Variants in ABCC1 observed in about 807,000 individuals in gnomAD.
The protein encoded by ABCC1 is multidrug resistance-associated protein 1.
A neutral mutation model predicts 172.9 loss-of-function variants in ABCC1; 83 were observed. The observed-to-expected ratio is 0.48, with a 90% CI of 0.40 to 0.58. ABCC1 has a LOEUF of 0.58. Ranked by LOEUF, ABCC1 falls within the 20% of genes least tolerant of loss-of-function variation. The probability of loss-of-function intolerance (pLI) is 0.00; values close to 1 mark genes in which losing one functional copy is unlikely to be tolerated. For missense variants in ABCC1, 1,817 were observed against 2,002.7 expected (o/e 0.91, Z 1.77); for synonymous variants, 937 against 825.2 (o/e 1.14, Z -2.32).
chr16:16,020,158 G>A (rs551986079), intron 5 of ABCC1, among the ~76,000 whole-genome samples: 1 of 152,310 alleles, frequency 6.6e-6, no homozygotes, highest in African/African-American at 2.4e-5. Flanking sequence ...CTGACTTCAA[G>A]TGATCCGCCC....
chr16:16,090,504 G>C lies in ABCC1; in HGVS notation c.2560G>C (p.Glu854Gln), dbSNP rs372819404. 1.2e-5 allele frequency: 20 copies of C among 1,613,836 alleles called. No homozygotes were observed. The highest frequency in any genetic ancestry group is 1.7e-5 in the Non-Finnish European group (20 of 1,179,996). ...GKISEMGSYQ[E>Q]LLARDGAFAE... ...GATCTCTGAGATGGGCTCCTACCAG[G>C]AGCTGCTGGCTCGAGACGGCGCCTT... The change falls in exon 19 of 31, where the codon GAG becomes CAG. Residue 854 changes from glutamate (E) to glutamine (Q), a missense_variant. Physicochemically the swap from Glu to Gln is conservative, Grantham distance 29. This residue lies in a region of ABCC1 where 1,412 missense variants were observed against 1,600.3 expected (regional missense o/e 0.88). Transcript: ENST00000399410.
At chr16:15,989,472 A>G (rs2046811917) in intron 1 of ABCC1, among the ~76,000 whole-genome samples, 1 of 152,192 alleles carries the variant, frequency 6.6e-6, no homozygotes, top group African/African-American at 2.4e-5. Context: ...CTCTCTAAAC[A>G]GGATTAATGT....
rs138414775 is a variant in ABCC1, at chr16:16,119,117, G to A, written c.3391-2858G>A. ...TTATAGTGATCAAAAGAAGCCAGAC[G>A]AAAAAGAGTAGGTACTGTGAGATTT... is the stretch of plus-strand genomic sequence containing the variant. On this transcript the variant is annotated intron_variant, in intron 23 of 30. Transcript: ENST00000399410. 2.0e-4 allele frequency among the ~76,000 whole-genome samples: 30 copies of A among 152,280 alleles called. No homozygotes were observed. The East Asian group carries it at 5.2e-3, about 26-fold the overall frequency.
chr16:16,050,990 A>G, intron 10 of ABCC1, among the ~76,000 whole-genome samples: 1 of 152,074 alleles, frequency 6.6e-6, no homozygotes, highest in East Asian at 1.9e-4. Context: ...CTATGGGAAA[A>G]ATATTTTTGG....
At chr16:16,016,140 G>A (rs2047984515) in intron 4 of ABCC1, among the ~76,000 whole-genome samples, 1 of 138,964 alleles carries the variant, frequency 7.2e-6, no homozygotes, top group Non-Finnish European at 1.5e-5. Flanking sequence ...CTCTCAGAAT[G>A]TGATCTTGGT....
chr16:16,001,973 C>G (rs1036197487), intron 1 of ABCC1, among the ~76,000 whole-genome samples: 4 of 152,182 alleles, frequency 2.6e-5, no homozygotes, highest in African/African-American at 9.7e-5. Flanking sequence ...CCACCTGGGC[C>G]TCCCAAAATG....
At chr16:15,978,324 C>G (rs1274699988) in intron 1 of ABCC1, among the ~76,000 whole-genome samples, 1 of 152,148 alleles carries the variant, frequency 6.6e-6, no homozygotes. Flanking sequence ...TGTGATTGCA[C>G]ACGACTGCTT....
At chr16:16,100,501 T>G (rs2051684039) in intron 19 of ABCC1, among the ~76,000 whole-genome samples, 1 of 152,212 alleles carries the variant, frequency 6.6e-6, no homozygotes, top group African/African-American at 2.4e-5. Flanking sequence ...GAGGACAGGC[T>G]GCATGGGAAG....
chr16:16,045,792 A>C, intron 8 of ABCC1, 44 bp from the exon 9 acceptor site: 1 of 1,596,182 alleles, frequency 6.3e-7, no homozygotes, highest in South Asian at 1.1e-5. Context: ...CCCTGCCCCC[A>C]CGTGTCACAA....
At chr16:16,091,699 G>T (rs370370219) in intron 19 of ABCC1, among the ~76,000 whole-genome samples, 7 of 152,182 alleles carry the variant, frequency 4.6e-5, no homozygotes, top group Non-Finnish European at 1.0e-4. Flanking sequence ...CAGGACGTGG[G>T]GGGCAGGAGA....
chr16:16,132,520 T>TTG (rs749120319), intron 27 of ABCC1, among the ~76,000 whole-genome samples: 1,462 of 86,666 alleles, frequency 0.017, 53 homozygotes, highest in East Asian at 0.038. Flanking sequence ...GTTTTTTTTT[T>TTG]TTTTTTTTTT....
Position 16,115,032 on chromosome 16 carries a change from G to A in ABCC1, c.3346G>A (p.Ala1116Thr), listed in dbSNP as rs200039403. The A allele has an allele frequency of 1.9e-3, 3,010 of 1,614,164 alleles. 4 individuals are homozygous for A. The highest frequency in any genetic ancestry group is 2.3e-3 in the Non-Finnish European group (2,693 of 1,180,020). ...TATCCTGCTGGCCACGCCCATCGCC[G>A]CCATCATCATCCCGCCCCTTGGCCT... ...IVILLATPIA[A>T]IIIPPLGLIY... The change falls in exon 23 of 31, where the codon GCC becomes ACC. Residue 1116 changes from alanine to threonine, a missense_variant. Coordinates refer to ENST00000399410, the MANE Select transcript of ABCC1 (RefSeq NM_004996.4).
intron 7 of ABCC1, among the ~76,000 whole-genome samples, chr16:16,042,661 C>T (rs1013389583): frequency 1.3e-5 from 2 of 150,868 alleles, no homozygotes; most frequent in Non-Finnish European, 2.9e-5. Flanking sequence ...CAGGATCGCA[C>T]CATTGCACTC....
intron 14 of ABCC1, 80 bp downstream of exon 14, chr16:16,071,809 T>C (rs1040365286): frequency 8.4e-6 from 11 of 1,309,826 alleles, no homozygotes; most frequent in Non-Finnish European, 1.2e-5. Context: ...TGCATTTCTT[T>C]CCCTTGGCTG....
intron 23 of ABCC1, among the ~76,000 whole-genome samples, chr16:16,115,587 T>A (rs1254988843): frequency 6.6e-6 from 1 of 152,074 alleles, no homozygotes; most frequent in Non-Finnish European, 1.5e-5. Flanking sequence ...GCTCAGGTGA[T>A]CCACCCACCT....
intron 14 of ABCC1, among the ~76,000 whole-genome samples, chr16:16,075,108 C>T (rs1000240140): frequency 6.6e-6 from 1 of 151,820 alleles, no homozygotes; most frequent in Non-Finnish European, 1.5e-5. Flanking sequence ...CCACACCTGG[C>T]TAATGTTTGT....
At chr16:16,122,602 C>T (rs1303020720) in intron 24 of ABCC1, among the ~76,000 whole-genome samples, 2 of 151,700 alleles carry the variant, frequency 1.3e-5, no homozygotes, top group Non-Finnish European at 2.9e-5. Context: ...TCTTGTGGGC[C>T]AGATGTCATG....
At position 16,117,023 on chromosome 16, in the gene ABCC1, G is replaced by A. The variant is rs149828301; in HGVS notation, c.3390+1947G>A. On this transcript the variant is annotated intron_variant, in intron 23 of 30. Coordinates refer to ENST00000399410, the MANE Select transcript of ABCC1 (RefSeq NM_004996.4). ...GATGATTCACACCGCGGATGGGACT[G>A]GGGGGGATTTCATCACACTACTCAG... is the stretch of plus-strand genomic sequence containing the variant. Among the ~76,000 whole-genome samples the A allele has an allele frequency of 4.6e-5, 7 of 152,212 alleles. No homozygotes were observed. The East Asian group carries it at 7.7e-4, about 17-fold the overall frequency.
chr16:16,132,941 G>T (rs962838575), intron 27 of ABCC1, among the ~76,000 whole-genome samples: 11 of 152,014 alleles, frequency 7.2e-5, no homozygotes, highest in Admixed American at 2.0e-4. Context: ...ATCCTCCCCC[G>T]CCTGGCTCTT....
Sources: allele counts gnomAD v4.1 joint callset (sites outside exome capture counted in the v4.1 genomes callset), GRCh38; gene constraint gnomAD v4.1.1; regional missense constraint gnomAD v4.1.1; transcripts MANE v1.5; gene names NCBI Gene and HGNC (gene_info 2026-07-23, HGNC 2026-07-21).